Variants in ZNF212 observed in about 807,000 individuals in gnomAD.
The protein encoded by ZNF212 is Zinc finger protein C2H2-150.
A neutral mutation model predicts 47.3 loss-of-function variants in ZNF212; 32 were observed. The ratio of observed to expected loss-of-function variants is 0.68; its 90% CI spans 0.51 to 0.91. The LOEUF (loss-of-function observed/expected upper bound fraction) is 0.91. Among genes scored for constraint, ZNF212 ranks in the 40% least tolerant of loss-of-function variants. The pLI is 0.00. For synonymous variants in ZNF212, 242 were observed against 253.8 expected (o/e 0.95, Z 0.44); for missense variants, 555 against 622.8 (o/e 0.89, Z 1.16).
In ZNF212 at chr7:149,253,869, C is replaced by T; in HGVS notation, c.942C>T (p.Arg314=). The T allele has an allele frequency of 6.2e-7, 1 of 1,614,064 alleles. No homozygotes were observed. The highest frequency in any genetic ancestry group is 2.2e-5 in the East Asian group (1 of 44,882). ...TGAAGCTGAAAAAGGACACTTCCCG[C>T]CCCTACGAATGTTCTGAGTGTGAGA... ...QGLKLKKDTS[R]PYECSECEIT... is the part of the protein sequence containing the mutation. Residue 314 remains arginine (R), a synonymous_variant, in exon 5 of 5, where the codon CGC becomes CGT. Transcript: ENST00000335870.
chr7:149,254,601 T>G lies in ZNF212; in HGVS notation c.*186T>G. The G allele has an allele frequency of 1.2e-6, 1 of 863,056 alleles. No individual in the cohort carries two copies. Among genetic ancestry groups the G allele is most frequent in the Non-Finnish European group, 1.7e-6 (1 of 601,244 alleles). The allele number at this position is 863,056 out of a possible 1,614,324, so 53.5% of individuals were successfully genotyped here. A position where few individuals can be genotyped will look rare whatever the true frequency, so the allele number is the denominator to read the frequency against. The stretch of plus-strand genomic sequence containing the variant: ...CTGTGGAAGAAGAGTCCAGGCCAGG[T>G]CTTCATCCTGCTGCCAAGTTTGCTG... On this transcript the variant is annotated 3_prime_UTR_variant, in exon 5 of 5. Coordinates refer to ENST00000335870, the MANE Select transcript of ZNF212 (RefSeq NM_012256.4). This position sits in a 1 kb window ranked among gnomAD's most constrained non-coding sequence, Gnocchi z 4.5.
At chr7:149,251,770 G>A (rs551868182) in intron 3 of ZNF212, among the ~76,000 whole-genome samples, 33 of 151,836 alleles carry the variant, frequency 2.2e-4, no homozygotes, top group Non-Finnish European at 4.6e-4. Flanking sequence ...GATTACAGGC[G>A]TGAGCCTCCG....
In ZNF212 at chr7:149,250,198, A is replaced by G; in HGVS notation, c.64A>G (p.Thr22Ala). The G allele has an allele frequency of 6.4e-7, 1 of 1,559,922 alleles. No individual in the cohort carries two copies. The change falls in exon 2 of 5, where the codon ACA becomes GCA. Residue 22 changes from threonine (T) to alanine (A), a missense_variant. Transcript: ENST00000335870. ...KRRSTPLTSS[T>A]LPSQATEKSS... ...ACGCTCCACACCTTTAACTTCTTCC[A>G]CACTTCCTTCACAAGCAACAGAGAA... is the stretch of plus-strand genomic sequence containing the variant.
chr7:149,249,669 T>C (rs565820921), intron 1 of ZNF212, among the ~76,000 whole-genome samples: 30 of 152,316 alleles, frequency 2.0e-4, no homozygotes, highest in East Asian at 7.7e-4. Context: ...ACTCTGTTAC[T>C]CAGGCTGGAG....
intron 1 of ZNF212, among the ~76,000 whole-genome samples, chr7:149,241,199 C>T (rs578051767): frequency 1.9e-4 from 29 of 152,086 alleles, no homozygotes; most frequent in African/African-American, 7.0e-4. Context: ...TTTAGGAGGC[C>T]GAGGAGGGCG....
intron 1 of ZNF212, among the ~76,000 whole-genome samples, chr7:149,248,986 G>C (rs1796715632): frequency 6.6e-6 from 1 of 152,092 alleles, no homozygotes. Context: ...TCTCGGTCTT[G>C]GTGGCCTCAC....
intron 1 of ZNF212, 131 bp downstream of exon 1, chr7:149,239,933 C>A: frequency 9.3e-7 from 1 of 1,077,218 alleles, no homozygotes; most frequent in Non-Finnish European, 1.2e-6. Context: ...CGCGGGTGAA[C>A]GCGGACCCTC....
chr7:149,251,846 T>G (rs1246929433), intron 3 of ZNF212, among the ~76,000 whole-genome samples: 2 of 150,544 alleles, frequency 1.3e-5, no homozygotes, highest in Non-Finnish European at 2.9e-5. Context: ...AGCTCACATC[T>G]GTAATCCCAA....
intron 1 of ZNF212, among the ~76,000 whole-genome samples, chr7:149,243,459 A>G (rs991597811): frequency 7.0e-6 from 1 of 142,974 alleles, no homozygotes; most frequent in Non-Finnish European, 1.5e-5. Flanking sequence ...AAAAAAAAAA[A>G]GAGAGAGAGA....
At chr7:149,247,701 A>C (rs1019981317) in intron 1 of ZNF212, among the ~76,000 whole-genome samples, 2 of 152,126 alleles carry the variant, frequency 1.3e-5, no homozygotes, top group Non-Finnish European at 2.9e-5. Flanking sequence ...AGATGTTTGC[A>C]GGGTTGGTTC....
At chr7:149,239,828 C>T (rs756469563) in intron 1 of ZNF212, 26 bp downstream of exon 1, 3 of 1,268,220 alleles carry the variant, frequency 2.4e-6, no homozygotes, top group Admixed American at 8.0e-5. Context: ...CGCGCTGGCT[C>T]GAGGGCGCGT....
chr7:149,254,681 T>C lies in ZNF212; in HGVS notation c.*266T>C. 1 of 466,492 alleles carries C rather than the reference T, an allele frequency of 2.1e-6. No homozygotes were observed. The highest frequency in any genetic ancestry group is 3.7e-6 in the Non-Finnish European group (1 of 271,032). 28.9% of individuals were successfully genotyped at this position (466,492 alleles called of 1,614,324 possible). A position where few individuals can be genotyped will look rare whatever the true frequency, so the allele number is the denominator to read the frequency against. On this transcript the variant is annotated 3_prime_UTR_variant, in exon 5 of 5. Coordinates refer to ENST00000335870, the MANE Select transcript of ZNF212 (RefSeq NM_012256.4). This position sits in a 1 kb window ranked among gnomAD's most constrained non-coding sequence, Gnocchi z 4.5. ...CTCATTCATGCCAATGCTTGTGGGC[T>C]GGGGTTGGCGTTCTGACCCCACAGG...
Position 149,254,258 on chromosome 7 carries a change from G to T in ZNF212, c.1331G>T (p.Arg444Leu), listed in dbSNP as rs370133162. 15 of 1,614,116 alleles carry T rather than the reference G, an allele frequency of 9.3e-6. No individual in the cohort carries two copies. The highest frequency in any genetic ancestry group is 1.2e-5 in the Non-Finnish European group (14 of 1,180,054). Residue 444 changes from arginine (R) to leucine (L), a missense_variant, in exon 5 of 5, where the codon CGG becomes CTG. By Grantham distance (102) the Arg-to-Leu change is moderately radical. Transcript: ENST00000335870. This position sits in a 1 kb window ranked among gnomAD's most constrained non-coding sequence, Gnocchi z 4.5. ...KSFSHPSDLV[R>L]HQRIHTGERP... The stretch of plus-strand genomic sequence containing the variant: ...TTCAGTCACCCATCTGACTTGGTGC[G>T]GCACCAGCGCATCCACACGGGTGAG...
intron 1 of ZNF212, among the ~76,000 whole-genome samples, chr7:149,243,449 A>G (rs1796627154): frequency 6.7e-6 from 1 of 150,250 alleles, no homozygotes; most frequent in Admixed American, 6.6e-5. Flanking sequence ...AAAAAAAAAA[A>G]AAAAAAAAAA....
intron 1 of ZNF212, among the ~76,000 whole-genome samples, chr7:149,241,461 C>T (rs1328768212): frequency 1.3e-5 from 2 of 148,552 alleles, no homozygotes. Context: ...AAGTCCACCA[C>T]AATCCCAAAC....
chr7:149,242,088 T>C (rs533147210), intron 1 of ZNF212, among the ~76,000 whole-genome samples: 26 of 148,844 alleles, frequency 1.7e-4, no homozygotes, highest in Non-Finnish European at 1.0e-4. Context: ...TGGAGCAATC[T>C]TGGCTGCCTG....
At chr7:149,251,481 C>A (rs1455241627) in intron 3 of ZNF212, among the ~76,000 whole-genome samples, 1 of 144,824 alleles carries the variant, frequency 6.9e-6, no homozygotes, top group Non-Finnish European at 1.5e-5. Context: ...CTGCGTCTGG[C>A]CTGTTTTATC....
intron 1 of ZNF212, among the ~76,000 whole-genome samples, chr7:149,247,370 T>C (rs1035313553): frequency 6.6e-6 from 1 of 152,072 alleles, no homozygotes; most frequent in African/African-American, 2.4e-5. Context: ...CCTCCCAAAG[T>C]GTTGGGATTA....
chr7:149,242,250 G>A (rs931552191), intron 1 of ZNF212, among the ~76,000 whole-genome samples: 1 of 151,476 alleles, frequency 6.6e-6, no homozygotes, highest in Non-Finnish European at 1.5e-5. Context: ...CTGAACTCCT[G>A]ACCTCAGGTG....
Sources: allele counts gnomAD v4.1 joint callset (sites outside exome capture counted in the v4.1 genomes callset), GRCh38; gene constraint gnomAD v4.1.1; non-coding constraint Gnocchi (gnomAD v3.1); transcripts MANE v1.5; gene names NCBI Gene and HGNC (gene_info 2026-07-23, HGNC 2026-07-21).